Variants in BMP2K observed in about 807,000 individuals in gnomAD.
BMP2K encodes the protein BMP-2-inducible protein kinase.
A neutral mutation model predicts 116.0 loss-of-function variants in BMP2K; 74 were observed. The ratio of observed to expected loss-of-function variants is 0.64; its 90% CI spans 0.53 to 0.77. The LOEUF (loss-of-function observed/expected upper bound fraction) is 0.77, where lower values mean the gene tolerates loss of function less well. Among genes scored for constraint, BMP2K ranks in the 30% least tolerant of loss-of-function variants. The pLI, the probability that BMP2K is intolerant of heterozygous loss-of-function variation, is 0.00. For synonymous variants in BMP2K, 486 were observed against 502.5 expected, an observed-to-expected ratio of 0.97 and a Z score of 0.44; for missense variants, 1,365 against 1,403.6, an observed-to-expected ratio of 0.97 and a Z score of 0.44.
At chr4:78,839,795 G>A (rs1231730811) in intron 3 of BMP2K, among the ~76,000 whole-genome samples, 1 of 152,088 alleles carries the variant, frequency 6.6e-6, no homozygotes, top group African/African-American at 2.4e-5. Context: ...ATGTAAGCTG[G>A]GAGGCTAAGC....
chr4:78,862,706 CTTATACA>C (rs1489408867), intron 9 of BMP2K, among the ~76,000 whole-genome samples: 1 of 152,010 alleles, frequency 6.6e-6, no homozygotes, highest in African/African-American at 2.4e-5. Flanking sequence ...TGATCTGTTA[CTTATACA>C]TTGTTAAAAT....
At chr4:78,781,389 T>G (rs1201925845) in intron 1 of BMP2K, among the ~76,000 whole-genome samples, 1 of 151,782 alleles carries the variant, frequency 6.6e-6, no homozygotes, top group Non-Finnish European at 1.5e-5. Flanking sequence ...ATCTCTCAGG[T>G]GAAAGTACCG....
intron 15 of BMP2K, among the ~76,000 whole-genome samples, chr4:78,893,974 C>T (rs764988465): frequency 7.9e-5 from 12 of 152,170 alleles, no homozygotes; most frequent in Non-Finnish European, 1.8e-4. Flanking sequence ...CATCAGAGCT[C>T]TTGGGTGACA....
At chr4:78,888,160 A>G (rs1733206231) in intron 15 of BMP2K, 1 of 152,228 alleles carries the variant, frequency 6.6e-6, no homozygotes, top group South Asian at 2.1e-4. Flanking sequence ...TGGAATATAC[A>G]GGATAGTTTT....
chr4:78,884,028 C>G (rs1413302484), intron 14 of BMP2K, among the ~76,000 whole-genome samples: 1 of 151,844 alleles, frequency 6.6e-6, no homozygotes, highest in Non-Finnish European at 1.5e-5. Context: ...CTGGGTGAAA[C>G]AGCAAGGCTC....
At chr4:78,845,682 T>TTAA (rs1450281480) in intron 5 of BMP2K, among the ~76,000 whole-genome samples, 1 of 151,724 alleles carries the variant, frequency 6.6e-6, no homozygotes, top group Non-Finnish European at 1.5e-5. Context: ...TTAGGTTATC[T>TTAA]TAATAAAGTG....
intron 15 of BMP2K, among the ~76,000 whole-genome samples, chr4:78,897,795 A>G (rs1192115196): frequency 3.3e-5 from 5 of 152,200 alleles, no homozygotes; most frequent in Non-Finnish European, 7.3e-5. Context: ...TTCAGGAGCT[A>G]TTTCTATTAC....
rs762184749 is a variant in BMP2K, at chr4:78,818,852, A to G, written c.179-7185A>G. Among the ~76,000 whole-genome samples the G allele has an allele frequency of 2.8e-5, 4 of 144,084 alleles. No individual in the cohort carries two copies. In the Admixed American group the frequency reaches 2.9e-4, roughly 10 times the overall value. 94.5% of individuals were successfully genotyped at this position (144,084 alleles called of 152,430 possible). A position where few individuals can be genotyped will look rare whatever the true frequency, so the allele number is the denominator to read the frequency against. On this transcript the variant is annotated intron_variant, in intron 1 of 15. Coordinates refer to ENST00000502613, the MANE Select transcript of BMP2K (RefSeq NM_198892.2). ...TGCTTTGTCGCCCAGGCTGGAGTGC[A>G]GTGGTATGATGTCAGCTCACAGCAA...
At chr4:78,906,128 A>G (rs1734271654) in intron 15 of BMP2K, 1 of 152,142 alleles carries the variant, frequency 6.6e-6, no homozygotes, top group Non-Finnish European at 1.5e-5. Context: ...GGTAACTTGC[A>G]GCCTGGAACC....
chr4:78,789,518 A>AG (rs1447926501), intron 1 of BMP2K, among the ~76,000 whole-genome samples: 1 of 152,158 alleles, frequency 6.6e-6, no homozygotes, highest in Non-Finnish European at 1.5e-5. Context: ...AATAGTCTGA[A>AG]GGCAGCTGGA....
In BMP2K at chr4:78,913,478, C is replaced by T. The variant is rs867101524; in HGVS notation, c.*1445C>T. On this transcript the variant is annotated 3_prime_UTR_variant, in exon 16 of 16. Coordinates refer to ENST00000502613, the MANE Select transcript of BMP2K (RefSeq NM_198892.2). ...ACTATTTTAAGATATAATTGTGCTG[C>T]GCTATCAGATTAACATTTGGAAGTT... is the stretch of plus-strand genomic sequence containing the variant. 6.6e-5 allele frequency: 10 copies of T among 152,114 alleles called. No individual in the cohort carries two copies. The highest frequency in any genetic ancestry group is 2.2e-4 in the African/African-American group (9 of 41,430). The allele number at this position is 152,114 out of a possible 1,614,324, so 9.4% of individuals were successfully genotyped here.
intron 14 of BMP2K, among the ~76,000 whole-genome samples, chr4:78,882,612 T>TG (rs1732918666): frequency 6.6e-6 from 1 of 151,880 alleles, no homozygotes; most frequent in African/African-American, 2.4e-5. Context: ...ATGCTTGCTT[T>TG]GGGGAAATTA....
chr4:78,829,273 T>A (rs1445384579), intron 2 of BMP2K, among the ~76,000 whole-genome samples: 1 of 152,230 alleles, frequency 6.6e-6, no homozygotes, highest in Non-Finnish European at 1.5e-5. Flanking sequence ...TCAACAGTGT[T>A]CTCAGCCTCT....
At chr4:78,826,467 T>A (rs1383166915) in intron 2 of BMP2K, among the ~76,000 whole-genome samples, 1 of 152,214 alleles carries the variant, frequency 6.6e-6, no homozygotes, top group Non-Finnish European at 1.5e-5. Flanking sequence ...CCTCCCAAAC[T>A]GTTGGGATTA....
intron 7 of BMP2K, among the ~76,000 whole-genome samples, chr4:78,851,548 T>C (rs1387776099): frequency 1.3e-5 from 2 of 152,110 alleles, no homozygotes; most frequent in African/African-American, 4.8e-5. Context: ...TAGCATTAAG[T>C]GTGTTGTGTC....
intron 3 of BMP2K, among the ~76,000 whole-genome samples, chr4:78,836,703 T>G (rs1730496403): frequency 6.6e-6 from 1 of 152,224 alleles, no homozygotes; most frequent in Non-Finnish European, 1.5e-5. Context: ...TTTGAAACCT[T>G]GCATATATAA....
At chr4:78,882,425 C>T (rs905673343) in intron 14 of BMP2K, among the ~76,000 whole-genome samples, 1 of 151,408 alleles carries the variant, frequency 6.6e-6, no homozygotes, top group Non-Finnish European at 1.5e-5. Context: ...AATAATAAAG[C>T]TTGTCTGAAT....
chr4:78,777,696 A>T (rs1377355577), intron 1 of BMP2K, among the ~76,000 whole-genome samples: 2 of 152,254 alleles, frequency 1.3e-5, no homozygotes, highest in African/African-American at 4.8e-5. Flanking sequence ...AGATAAAAAA[A>T]ATCGAAGAGT....
intron 7 of BMP2K, among the ~76,000 whole-genome samples, chr4:78,854,782 A>T (rs188731730): frequency 1.3e-5 from 2 of 152,252 alleles, no homozygotes; most frequent in Non-Finnish European, 2.9e-5. Flanking sequence ...GAAATTTAAT[A>T]ATCTCTACAA....
Sources: allele counts gnomAD v4.1 joint callset (sites outside exome capture counted in the v4.1 genomes callset), GRCh38; gene constraint gnomAD v4.1.1; transcripts MANE v1.5; gene names NCBI Gene and HGNC (gene_info 2026-07-23, HGNC 2026-07-21).